The following ATP11A variants were observed in gnomAD, a reference collection of about 807,000 sequenced individuals.
ATP11A encodes the protein phospholipid-transporting ATPase IH.
In ATP11A, 81 loss-of-function variants were observed where a neutral mutation model predicts 154.4. The ratio of observed to expected loss-of-function variants is 0.52; its 90% CI spans 0.44 to 0.63. ATP11A has a LOEUF of 0.63. ATP11A is among the 30% of genes least tolerant of loss of function. ATP11A has a pLI of 0.00. For missense variants in ATP11A, 1,316 were observed against 1,474.3 expected, an observed-to-expected ratio of 0.89 and a Z score of 1.76; for synonymous variants, 623 against 585.9, an observed-to-expected ratio of 1.06 and a Z score of -0.91.
intron 20 of ATP11A, 92 bp downstream of exon 20, chr13:112,856,177 A>C: frequency 2.3e-6 from 3 of 1,277,086 alleles, no homozygotes; most frequent in African/African-American, 1.5e-5. Context: ...ATTGTTAAAC[A>C]ATCTAGCAGG....
At chr13:112,853,193 C>T (rs1418321948) in intron 18 of ATP11A, among the ~76,000 whole-genome samples, 1 of 152,074 alleles carries the variant, frequency 6.6e-6, no homozygotes, top group African/African-American at 2.4e-5. Flanking sequence ...GTACCCTAGC[C>T]TGGGCAACAT....
intron 25 of ATP11A, among the ~76,000 whole-genome samples, chr13:112,870,500 T>C (rs2080480962): frequency 6.6e-6 from 1 of 152,176 alleles, no homozygotes; most frequent in South Asian, 2.1e-4. Context: ...TGCCTCAGCC[T>C]CCCTAGTGGC....
intron 1 of ATP11A, among the ~76,000 whole-genome samples, chr13:112,760,150 T>G (rs145839137): frequency 1.3e-4 from 20 of 152,366 alleles, no homozygotes; most frequent in African/African-American, 4.8e-4. Context: ...GTGAGTCTTT[T>G]CATTTCTCAG....
intron 1 of ATP11A, among the ~76,000 whole-genome samples, chr13:112,711,501 T>C (rs113545280): frequency 0.014 from 2,053 of 151,672 alleles, 51 homozygotes; most frequent in African/African-American, 0.046. Context: ...GAGATCCAAT[T>C]TTAAATCCAC....
chr13:112,694,495 G>A (rs1885559698), intron 1 of ATP11A, among the ~76,000 whole-genome samples: 1 of 152,080 alleles, frequency 6.6e-6, no homozygotes, highest in Admixed American at 6.5e-5. Context: ...GATTCAGAAA[G>A]CTTTACACGC....
chr13:112,784,929 A>G (rs2077586090), intron 1 of ATP11A, among the ~76,000 whole-genome samples: 1 of 152,180 alleles, frequency 6.6e-6, no homozygotes, highest in African/African-American at 2.4e-5. Flanking sequence ...TGCTCACCAG[A>G]AGACCTTGGC....
Position 112,710,485 on chromosome 13 carries a change from C to G in ATP11A, c.39+20030C>G, listed in dbSNP as rs754264. ...ACCACTGCCCTGGAAGAGTTCTACC[C>G]ATGAGGGCCCTTGGAGCCATCTCGA... is the stretch of plus-strand genomic sequence containing the variant. On this transcript the variant is annotated intron_variant, in intron 1 of 29. Transcript: ENST00000375645. Among the ~76,000 whole-genome samples, 773 of 152,320 alleles carry G rather than the reference C, an allele frequency of 5.1e-3. 6 individuals are homozygous for G. The highest frequency in any genetic ancestry group is 0.018 in the African/African-American group (734 of 41,574).
rs10695491 is a variant in ATP11A, at chr13:112,811,161, A to AACACACACACACACACAC, written c.441+463_441+480dup. Among the ~76,000 whole-genome samples the AACACACACACACACACAC allele has an allele frequency of 8.9e-3, 1,034 of 115,582 alleles. 25 individuals carry two copies. Among genetic ancestry groups the AACACACACACACACACAC allele is most frequent in the African/African-American group, 0.014 (402 of 28,020 alleles). 75.8% of individuals were successfully genotyped at this position (115,582 alleles called of 152,430 possible). A position where few individuals can be genotyped will look rare whatever the true frequency, so the allele number is the denominator to read the frequency against. ...GGTGGATGTACCCACTGCCCCTTCC[A>AACACACACACACACACAC]ACACACACACACACACACACACACA... is the stretch of plus-strand genomic sequence containing the variant. On this transcript the variant is annotated intron_variant, in intron 5 of 29. Transcript: ENST00000375645.
At chr13:112,874,491 G>T (rs898049678) in intron 27 of ATP11A, among the ~76,000 whole-genome samples, 1 of 152,166 alleles carries the variant, frequency 6.6e-6, no homozygotes, top group Non-Finnish European at 1.5e-5. Context: ...AGGAAACGAC[G>T]CTGAGTGGTA....
intron 12 of ATP11A, among the ~76,000 whole-genome samples, chr13:112,831,005 C>T (rs1377287935): frequency 6.6e-6 from 1 of 152,046 alleles, no homozygotes; most frequent in Non-Finnish European, 1.5e-5. Context: ...TCGGGACAAC[C>T]CACTTACACT....
rs1178696530 is a variant in ATP11A, at chr13:112,884,675, G to A, written c.*2809G>A. Reference sequence around the variant, plus strand: ...TGAGTTTTGAAAAATCTTATTTGTTGCTGCACAGGTTAATAAATTATCAAT... The same window carrying A: ...TGAGTTTTGAAAAATCTTATTTGTTACTGCACAGGTTAATAAATTATCAAT... On this transcript the variant is annotated 3_prime_UTR_variant, in exon 30 of 30. Transcript: ENST00000375645. The A allele has an allele frequency of 6.6e-6, 1 of 152,242 alleles. No homozygotes were observed. Among genetic ancestry groups the A allele is most frequent in the Non-Finnish European group, 1.5e-5 (1 of 68,066 alleles). The allele number at this position is 152,242 out of a possible 1,614,324, so 9.4% of individuals were successfully genotyped here. A position where few individuals can be genotyped will look rare whatever the true frequency, so the allele number is the denominator to read the frequency against.
intron 26 of ATP11A, among the ~76,000 whole-genome samples, chr13:112,872,629 C>T (rs1343367047): frequency 6.6e-6 from 1 of 152,222 alleles, no homozygotes; most frequent in Non-Finnish European, 1.5e-5. Context: ...TAAGAAGTAA[C>T]TTTCTTCAGT....
At chr13:112,731,456 C>A (rs1890474825) in intron 1 of ATP11A, among the ~76,000 whole-genome samples, 1 of 152,132 alleles carries the variant, frequency 6.6e-6, no homozygotes, top group Non-Finnish European at 1.5e-5. Flanking sequence ...AGTCCACAGC[C>A]CAAGTCTCAT....
At chr13:112,788,576 T>G (rs533010282) in intron 2 of ATP11A, among the ~76,000 whole-genome samples, 1,614 of 140,280 alleles carry the variant, frequency 0.012, 36 homozygotes, top group African/African-American at 0.041. Flanking sequence ...AATTCACACC[T>G]GTGTCCTGAT....
intron 1 of ATP11A, among the ~76,000 whole-genome samples, chr13:112,693,585 A>G (rs994776826): frequency 3.3e-5 from 5 of 151,720 alleles, no homozygotes; most frequent in South Asian, 4.1e-4. Context: ...TGTATGTGCT[A>G]TGGGGTAGCA....
intron 1 of ATP11A, among the ~76,000 whole-genome samples, chr13:112,719,878 A>G (rs1479892992): frequency 2.6e-5 from 4 of 152,160 alleles, no homozygotes; most frequent in African/African-American, 7.2e-5. Context: ...CTCAGTCCAA[A>G]ACAACAGTCT....
At chr13:112,717,015 G>A (rs1043969754) in intron 1 of ATP11A, among the ~76,000 whole-genome samples, 1 of 152,180 alleles carries the variant, frequency 6.6e-6, no homozygotes, top group Non-Finnish European at 1.5e-5. Flanking sequence ...GGCCCATAGA[G>A]GCTGTTGTTG....
intron 1 of ATP11A, among the ~76,000 whole-genome samples, chr13:112,730,016 GA>G (rs1890321717): frequency 6.6e-6 from 1 of 152,228 alleles, no homozygotes; most frequent in South Asian, 2.1e-4. Flanking sequence ...TTGGGAGCTG[GA>G]AGGGTGCAGA....
intron 1 of ATP11A, among the ~76,000 whole-genome samples, chr13:112,722,686 T>C (rs540075506): frequency 6.6e-6 from 1 of 152,254 alleles, no homozygotes; most frequent in East Asian, 1.9e-4. Context: ...TTACTTTTGG[T>C]TTACATACGT....
Sources: allele counts gnomAD v4.1 joint callset (sites outside exome capture counted in the v4.1 genomes callset), GRCh38; gene constraint gnomAD v4.1.1; transcripts MANE v1.5; gene names NCBI Gene and HGNC (gene_info 2026-07-23, HGNC 2026-07-21).